Variants in GUCY1A2 observed in about 807,000 individuals in gnomAD.
GUCY1A2 encodes the protein guanylate cyclase soluble subunit alpha-2.
GUCY1A2 carries 27 observed loss-of-function variants against 63.5 expected under a neutral mutation model. The ratio of observed to expected loss-of-function variants is 0.43; its 90% confidence interval spans 0.31 to 0.59. GUCY1A2 has a LOEUF of 0.59. GUCY1A2 is among the 20% of genes least tolerant of loss of function. GUCY1A2 has a pLI of 0.11. For synonymous variants in GUCY1A2, 364 were observed against 343.5 expected (o/e 1.06, Z -0.66); for missense variants, 768 against 913.3 (o/e 0.84, Z 2.05).
intron 5 of GUCY1A2, among the ~76,000 whole-genome samples, chr11:106,783,555 G>T (rs1864501828): frequency 6.6e-6 from 1 of 152,118 alleles, no homozygotes; most frequent in African/African-American, 2.4e-5. Context: ...GTTCTGGAAG[G>T]CTACAGTCTG....
intron 5 of GUCY1A2, among the ~76,000 whole-genome samples, chr11:106,777,463 A>AG (rs2135403165): frequency 6.6e-6 from 1 of 151,802 alleles, no homozygotes; most frequent in Admixed American, 6.6e-5. Flanking sequence ...AAAAAAAAAA[A>AG]AAGTGGCACA....
At chr11:106,712,092 C>T (rs1486280164) in intron 6 of GUCY1A2, among the ~76,000 whole-genome samples, 3 of 151,794 alleles carry the variant, frequency 2.0e-5, no homozygotes, top group Non-Finnish European at 4.4e-5. Context: ...TGGTAATTTT[C>T]TATTTCTTTG....
Position 107,017,901 on chromosome 11 carries a change from G to A in GUCY1A2, c.155C>T (p.Ala52Val). ...GGCCGGGGCGGCGGCAGCGGCAGCT[G>A]CGGCCGGGCTGGGCTCCAGCGGCCC... is the stretch of plus-strand genomic sequence containing the variant. ...PPGPLEPSPA[A>V]AAAAAAPAPT... The change falls in exon 1 of 8, where the codon GCA (alanine) becomes GTA (valine). Residue 52 changes from alanine to valine, a missense_variant. By Grantham distance (64) the Ala-to-Val change is moderately conservative. This residue lies in a region of GUCY1A2 where 496 missense variants were observed against 486.9 expected (regional missense o/e 1.02). Coordinates refer to ENST00000526355, the MANE Select transcript of GUCY1A2 (RefSeq NM_000855.3). The A allele has an allele frequency of 8.0e-7, 1 of 1,253,152 alleles. No individual in the cohort carries two copies. Among genetic ancestry groups the A allele is most frequent in the Non-Finnish European group, 1.0e-6 (1 of 996,332 alleles). The allele number at this position is 1,253,152 out of a possible 1,614,324, so 77.6% of individuals were successfully genotyped here. A position where few individuals can be genotyped will look rare whatever the true frequency, so the allele number is the denominator to read the frequency against.
chr11:106,898,338 T>G (rs1860079791), intron 4 of GUCY1A2, among the ~76,000 whole-genome samples: 1 of 152,204 alleles, frequency 6.6e-6, no homozygotes, highest in South Asian at 2.1e-4. Context: ...GCAATTGTGC[T>G]TCTTGGTATT....
chr11:106,847,245 T>A (rs59787426), intron 4 of GUCY1A2, among the ~76,000 whole-genome samples: 8,439 of 135,730 alleles, frequency 0.062, 264 homozygotes, highest in East Asian at 0.089. Context: ...AAAAAAAATA[T>A]ATATATATAT....
At chr11:106,742,930 G>GAA (rs1190335282) in intron 6 of GUCY1A2, among the ~76,000 whole-genome samples, 5 of 152,052 alleles carry the variant, frequency 3.3e-5, no homozygotes, top group African/African-American at 1.2e-4. Context: ...ATTAATCTGA[G>GAA]TCTTCTTTAG....
chr11:106,870,161 G>A (rs928199587), intron 4 of GUCY1A2, among the ~76,000 whole-genome samples: 3 of 150,940 alleles, frequency 2.0e-5, no homozygotes, highest in East Asian at 2.0e-4. Flanking sequence ...TGTAAATGAC[G>A]AGTTAATGGG....
chr11:106,977,938 G>A (rs1861283487), intron 3 of GUCY1A2, among the ~76,000 whole-genome samples: 1 of 152,186 alleles, frequency 6.6e-6, no homozygotes, highest in Middle Eastern at 3.4e-3. Flanking sequence ...ATTTCTTTTA[G>A]AATACATTGC....
chr11:106,790,504 C>T (rs12574257), intron 5 of GUCY1A2, among the ~76,000 whole-genome samples: 7,220 of 152,274 alleles, frequency 0.047, 168 homozygotes, highest in East Asian at 0.11. Flanking sequence ...GAGCTGGTAC[C>T]TAAGGTGTAA....
chr11:106,827,825 G>A (rs1858993117), intron 4 of GUCY1A2: 2 of 1,598,892 alleles, frequency 1.3e-6, no homozygotes, highest in Non-Finnish European at 8.6e-7. Flanking sequence ...CACAAGTGAC[G>A]CCCGCGATGC....
At chr11:106,884,931 T>C (rs1009127415) in intron 4 of GUCY1A2, among the ~76,000 whole-genome samples, 5 of 152,142 alleles carry the variant, frequency 3.3e-5, no homozygotes, top group African/African-American at 1.2e-4. Context: ...GGTAGCTCAA[T>C]TCCCGGCCTA....
chr11:106,796,444 A>T (rs1040165760), intron 5 of GUCY1A2, among the ~76,000 whole-genome samples: 2 of 152,070 alleles, frequency 1.3e-5, no homozygotes, highest in Non-Finnish European at 2.9e-5. Flanking sequence ...GTGGCTGGTA[A>T]CAGCTGTTCC....
chr11:106,824,682 C>A (rs1011032437), intron 4 of GUCY1A2: 15 of 869,454 alleles, frequency 1.7e-5, no homozygotes, highest in African/African-American at 6.9e-5. Context: ...AAAAACTAGA[C>A]CCCTGTATAC....
chr11:106,986,002 C>T (rs1451470143), intron 2 of GUCY1A2, 68 bp downstream of exon 2: 18 of 849,278 alleles, frequency 2.1e-5, no homozygotes, highest in Middle Eastern at 4.9e-4. Context: ...ATCACATACT[C>T]AACAGCTATG....
At chr11:106,776,911 G>A (rs571005247) in intron 5 of GUCY1A2, among the ~76,000 whole-genome samples, 1 of 152,196 alleles carries the variant, frequency 6.6e-6, no homozygotes, top group African/African-American at 2.4e-5. Flanking sequence ...CTTTTCCAGA[G>A]CCATCCCTTC....
chr11:106,881,426 C>T (rs1231507219), intron 4 of GUCY1A2, among the ~76,000 whole-genome samples: 1 of 151,948 alleles, frequency 6.6e-6, no homozygotes, highest in East Asian at 1.9e-4. Flanking sequence ...CTTCAAGATC[C>T]AGAATGAGTA....
rs1223931583 is a variant in GUCY1A2 at position 106,685,569 on chromosome 11, G to C, written c.*1980C>G. On this transcript the variant is annotated 3_prime_UTR_variant, in exon 8 of 8. Coordinates refer to ENST00000526355, the MANE Select transcript of GUCY1A2 (RefSeq NM_000855.3). ...AAGTTCTAAGTTACTGAAGACAATA[G>C]GCATAAATGACATCAGTGAGCTTGT... 5 of 227,618 alleles carry C rather than the reference G, an allele frequency of 2.2e-5. No homozygotes were observed. The highest frequency in any genetic ancestry group is 1.1e-4 in the African/African-American group (5 of 45,104). The allele number at this position is 227,618 out of a possible 1,614,324, so 14.1% of individuals were successfully genotyped here.
At chr11:106,987,508 C>T (rs964533245) in intron 1 of GUCY1A2, among the ~76,000 whole-genome samples, 1 of 152,056 alleles carries the variant, frequency 6.6e-6, no homozygotes, top group African/African-American at 2.4e-5. Flanking sequence ...AAAAATTAGG[C>T]GAGCATGGTG....
chr11:106,963,032 T>A (rs1861080130), intron 3 of GUCY1A2, among the ~76,000 whole-genome samples: 1 of 152,140 alleles, frequency 6.6e-6, no homozygotes, highest in African/African-American at 2.4e-5. Flanking sequence ...TAGTGTGATG[T>A]CCTGCTTTAA....
Sources: gnomAD v4.1 joint callset for allele counts (sites outside exome capture counted in the v4.1 genomes callset) on GRCh38, gnomAD v4.1.1 for gene constraint, gnomAD v4.1.1 regional missense constraint, MANE v1.5 for transcripts, NCBI Gene and HGNC (gene_info 2026-07-23, HGNC 2026-07-21) for gene names.